Variants in CACNA1E observed in about 807,000 individuals in gnomAD.
CACNA1E encodes voltage-dependent R-type calcium channel subunit alpha-1E.
In CACNA1E, 40 loss-of-function variants were observed where a neutral mutation model predicts 259.2. The observed-to-expected ratio is 0.15, with a 90% CI of 0.12 to 0.20. The LOEUF is 0.20. Ranked by LOEUF, CACNA1E falls within the 10% of genes least tolerant of loss-of-function variation. The probability of loss-of-function intolerance (pLI) is 1.00; values close to 1 mark genes in which losing one functional copy is unlikely to be tolerated. For synonymous variants in CACNA1E, 1,104 were observed against 1,138.5 expected (o/e 0.97, Z 0.61); for missense variants, 1,874 against 3,040.1 (o/e 0.62, Z 9.02).
chr1:181,365,455 A>G (rs542633737), intron 1 of CACNA1E, among the ~76,000 whole-genome samples: 1 of 152,370 alleles, frequency 6.6e-6, no homozygotes, highest in East Asian at 1.9e-4. Context: ...TACAGGCATG[A>G]GTCACTGCAC....
chr1:181,472,098 C>T (rs1364320907), intron 2 of CACNA1E, among the ~76,000 whole-genome samples: 1 of 151,878 alleles, frequency 6.6e-6, no homozygotes, highest in Non-Finnish European at 1.5e-5. Context: ...GAAGTAGATC[C>T]TGCCATTTGC....
intron 1 of CACNA1E, among the ~76,000 whole-genome samples, chr1:181,355,512 C>T (rs916383011): frequency 1.3e-5 from 2 of 151,986 alleles, no homozygotes; most frequent in African/African-American, 4.8e-5. Flanking sequence ...CACTTGAACC[C>T]GGGATGGGGA....
chr1:181,322,552 G>T (rs1195696282), intron 1 of CACNA1E, among the ~76,000 whole-genome samples: 2 of 152,184 alleles, frequency 1.3e-5, no homozygotes, highest in Non-Finnish European at 2.9e-5. Flanking sequence ...CTTTCTCATT[G>T]TAACCTGGAA....
In CACNA1E at chr1:181,766,543, C is replaced by T. The variant is rs368553615; in HGVS notation, c.4816-3C>T. ...TAACGTCTTATCTCTGCTTTCCTTC[C>T]AGGCCCTCCCTTATGTCTGCCTTTT... On this transcript the variant is annotated splice_region_variant and splice_polypyrimidine_tract_variant and intron_variant, in intron 34 of 47. Coordinates refer to ENST00000367573, the MANE Select transcript of CACNA1E (RefSeq NM_001205293.3). The T allele has an allele frequency of 4.1e-5, 66 of 1,610,964 alleles. No homozygotes were observed. The African/African-American group carries it at 7.7e-4, about 19-fold the overall frequency.
chr1:181,707,459 G>A (rs1341966584), intron 7 of CACNA1E, among the ~76,000 whole-genome samples: 2 of 152,126 alleles, frequency 1.3e-5, no homozygotes, highest in East Asian at 3.8e-4. Context: ...AACACAAGGA[G>A]GCATGTGGAA....
chr1:181,710,200 AC>A (rs979197431), intron 7 of CACNA1E, among the ~76,000 whole-genome samples: 7 of 66,226 alleles, frequency 1.1e-4, no homozygotes, highest in African/African-American at 4.0e-4. Context: ...CCTCCACCCC[AC>A]CCCCACCACC....
upstream of CACNA1E, among the ~76,000 whole-genome samples, chr1:181,482,709 G>A (rs1663386924): frequency 6.6e-6 from 1 of 152,270 alleles, no homozygotes; most frequent in African/African-American, 2.4e-5. Context: ...TGCCTGCGGG[G>A]AAGAGGGAGA....
intron 6 of CACNA1E, among the ~76,000 whole-genome samples, chr1:181,632,715 G>A (rs143266933): frequency 5.3e-5 from 8 of 150,460 alleles, no homozygotes; most frequent in Non-Finnish European, 8.8e-5. Flanking sequence ...TGTCAACACC[G>A]TGGAAATGAA....
Position 181,405,210 on chromosome 1 carries a change from G to A in CACNA1E, c.-14-7923G>A, listed in dbSNP as rs113075465. 5.5e-3 allele frequency among the ~76,000 whole-genome samples: 835 copies of A among 152,340 alleles called. 10 individuals are homozygous for A. The highest frequency in any genetic ancestry group is 0.019 in the African/African-American group (782 of 41,578). ...CACTTCAGGTAATCTTGGTCTGAGTGGGTGGGAGGGATATTACGAGGCTCT... is the reference window on the plus strand; with the variant it reads ...CACTTCAGGTAATCTTGGTCTGAGTAGGTGGGAGGGATATTACGAGGCTCT... On this transcript the variant is annotated intron_variant, in intron 1 of 11. Transcript: ENST00000524607.
chr1:181,549,366 T>C (rs563392468), intron 3 of CACNA1E, among the ~76,000 whole-genome samples: 1 of 152,264 alleles, frequency 6.6e-6, no homozygotes, highest in African/African-American at 2.4e-5. Context: ...AGAGTGAGAA[T>C]GAGGAAGAAG....
intron 3 of CACNA1E, among the ~76,000 whole-genome samples, chr1:181,557,138 C>T (rs942492970): frequency 3.3e-5 from 5 of 152,116 alleles, no homozygotes; most frequent in Admixed American, 1.3e-4. Flanking sequence ...ATTCCCACCA[C>T]CTTCCTCCCT....
At chr1:181,448,337 A>G (rs566210029) in intron 2 of CACNA1E, among the ~76,000 whole-genome samples, 5 of 152,364 alleles carry the variant, frequency 3.3e-5, no homozygotes, top group Non-Finnish European at 4.4e-5. Context: ...TGAGATAGAT[A>G]CTATCCTTGT....
chr1:181,764,923 T>A (rs3767012), intron 34 of CACNA1E, among the ~76,000 whole-genome samples: 4,617 of 152,164 alleles, frequency 0.03, 161 homozygotes, highest in South Asian at 0.16. Flanking sequence ...TTGTCAAAAA[T>A]TGATGGCCAA....
chr1:181,717,790 C>G (rs1321758140), intron 11 of CACNA1E, among the ~76,000 whole-genome samples: 2 of 152,268 alleles, frequency 1.3e-5, no homozygotes, highest in Middle Eastern at 3.4e-3. Flanking sequence ...TCTCTTTCCC[C>G]CTGAGGGCCC....
At chr1:181,571,424 T>C (rs1472966163) in intron 3 of CACNA1E, among the ~76,000 whole-genome samples, 2 of 152,090 alleles carry the variant, frequency 1.3e-5, no homozygotes, top group Non-Finnish European at 2.9e-5. Context: ...GCATTCCAGG[T>C]AGGAGAGAGG....
intron 7 of CACNA1E, among the ~76,000 whole-genome samples, chr1:181,671,885 G>A (rs892966350): frequency 1.3e-5 from 2 of 152,168 alleles, no homozygotes; most frequent in Non-Finnish European, 2.9e-5. Flanking sequence ...CCATTACTGG[G>A]TATATACCTA....
intron 5 of CACNA1E, among the ~76,000 whole-genome samples, chr1:181,580,020 G>A (rs1651367869): frequency 6.6e-6 from 1 of 152,218 alleles, no homozygotes; most frequent in Non-Finnish European, 1.5e-5. Flanking sequence ...TAGGAGGAAA[G>A]GAGATGGGAG....
chr1:181,367,834 A>G (rs192986994), intron 1 of CACNA1E, among the ~76,000 whole-genome samples: 1 of 152,282 alleles, frequency 6.6e-6, no homozygotes, highest in East Asian at 1.9e-4. Context: ...CAATTTATTT[A>G]TAATTTACTT....
chr1:181,658,703 C>A (rs1404378519), intron 7 of CACNA1E, among the ~76,000 whole-genome samples: 1 of 152,136 alleles, frequency 6.6e-6, no homozygotes, highest in African/African-American at 2.4e-5. Flanking sequence ...ATGGCAGATG[C>A]CTTCTTAGCA....
Sources: gnomAD v4.1 joint callset for allele counts (sites outside exome capture counted in the v4.1 genomes callset) on GRCh38, gnomAD v4.1.1 for gene constraint, MANE v1.5 for transcripts, NCBI Gene and HGNC (gene_info 2026-07-23, HGNC 2026-07-21) for gene names.